Variants in CTDP1 observed in about 807,000 individuals in gnomAD.
The protein encoded by CTDP1 is CTD phosphatase 1, also known as RNA polymerase II subunit A C-terminal domain phosphatase.
Under a neutral mutation model 91.8 loss-of-function variants are expected in CTDP1, and 47 were observed. The observed-to-expected ratio is 0.51, with a 90% CI of 0.41 to 0.65. CTDP1 has a LOEUF of 0.65. Among genes scored for constraint, CTDP1 ranks in the 30% least tolerant of loss-of-function variants. CTDP1 has a pLI of 0.00. For missense variants in CTDP1, 1,272 were observed against 1,373.7 expected, an observed-to-expected ratio of 0.93 and a Z score of 1.17; for synonymous variants, 656 against 598.5, an observed-to-expected ratio of 1.10 and a Z score of -1.40.
Position 79,696,037 on chromosome 18 carries a change from G to C in CTDP1, c.459G>C (p.Val153=). The C allele has an allele frequency of 6.2e-7, 1 of 1,612,418 alleles. No homozygotes were observed. Among genetic ancestry groups the C allele is most frequent in the Non-Finnish European group, 8.5e-7 (1 of 1,180,030 alleles). Residue 153 remains valine, a synonymous_variant, in exon 3 of 13, where the codon GTG becomes GTC. Transcript: ENST00000613122. ...TGTCCACGGCGACCGTGTCCATGGTGCACAGCGTGCCGGAGTTGATGGTGA... is the reference window on the plus strand; with the variant it reads ...TGTCCACGGCGACCGTGTCCATGGTCCACAGCGTGCCGGAGTTGATGGTGA... ...VPLSTATVSM[V]HSVPELMVSS...
intron 11 of CTDP1, among the ~76,000 whole-genome samples, chr18:79,733,540 C>G (rs948155027): frequency 2.0e-5 from 3 of 151,300 alleles, no homozygotes; most frequent in Non-Finnish European, 4.4e-5. Context: ...TCGTTCCTGC[C>G]TGTTCTGCTG....
At chr18:79,703,105 T>C (rs1005429407) in intron 4 of CTDP1, 5 of 152,256 alleles carry the variant, frequency 3.3e-5, no homozygotes, top group African/African-American at 1.2e-4. Context: ...GCTGGACTTT[T>C]TACTGTTGAG....
chr18:79,717,399 G>A, intron 8 of CTDP1, 136 bp from the exon 9 acceptor site: 1 of 1,283,984 alleles, frequency 7.8e-7, no homozygotes, highest in South Asian at 1.3e-5. Flanking sequence ...GAAGGCCCTG[G>A]TGGGATGCAG....
Position 79,715,222 on chromosome 18 carries a change from G to A in CTDP1, c.1762G>A (p.Asp588Asn), listed in dbSNP as rs777159142. 14 of 1,610,744 alleles carry A rather than the reference G, an allele frequency of 8.7e-6. No individual in the cohort carries two copies. Among genetic ancestry groups the A allele is most frequent in the Non-Finnish European group, 1.1e-5 (13 of 1,178,722 alleles). The change falls in exon 8 of 13, where the codon GAC (aspartate) becomes AAC (asparagine). Residue 588 changes from aspartate (D) to asparagine (N), a missense_variant. Coordinates refer to ENST00000613122, the MANE Select transcript of CTDP1 (RefSeq NM_004715.5). ...GGAGGAGGAGGACACGGATGAGGAT[G>A]ACCACCTCATCTACCTGGAGGAGAT... ...EEEEEDTDEDDHLIYLEEILV... is the reference protein window; with the variant it reads ...EEEEEDTDEDNHLIYLEEILV...
intron 10 of CTDP1, among the ~76,000 whole-genome samples, chr18:79,723,227 A>ACAAT (rs1413595257): frequency 6.6e-6 from 1 of 151,340 alleles, no homozygotes; most frequent in Non-Finnish European, 1.5e-5. Context: ...CTCATCTGTC[A>ACAAT]CGGGCATTGG....
At chr18:79,754,667 T>G (rs1048130597), downstream of CTDP1, 1 of 152,140 alleles carries the variant, frequency 6.6e-6, no homozygotes, top group Non-Finnish European at 1.5e-5. Context: ...GATCTCAGGG[T>G]TTCGCCTCTG....
intron 10 of CTDP1, among the ~76,000 whole-genome samples, chr18:79,719,406 G>T (rs1381232572): frequency 1.3e-5 from 2 of 152,052 alleles, no homozygotes; most frequent in Non-Finnish European, 2.9e-5. Context: ...CCTAGGGGGT[G>T]GGGGGTTTGG....
intron 5 of CTDP1, among the ~76,000 whole-genome samples, chr18:79,706,220 C>T (rs1351116690): frequency 3.3e-5 from 5 of 152,222 alleles, no homozygotes; most frequent in African/African-American, 4.8e-5. Flanking sequence ...GGTCGGACGC[C>T]GGCCTCCAGA....
At chr18:79,747,625 A>G (rs1441642174) in intron 12 of CTDP1, among the ~76,000 whole-genome samples, 4 of 152,162 alleles carry the variant, frequency 2.6e-5, no homozygotes, top group Non-Finnish European at 4.4e-5. Flanking sequence ...GGCAGCCCCA[A>G]CGCCGCTCTC....
chr18:79,679,997 C>T lies in CTDP1; in HGVS notation c.50C>T (p.Ala17Val). 3.0e-6 allele frequency: 4 copies of T among 1,328,726 alleles called. No homozygotes were observed. Among genetic ancestry groups the T allele is most frequent in the Middle Eastern group, 2.9e-4 (1 of 3,424 alleles). The allele number at this position is 1,328,726 out of a possible 1,614,324, so 82.3% of individuals were successfully genotyped here. ...GRVPAEGAPT[A>V]AVAEVRCPGP... ...GTTCCTGCCGAGGGCGCCCCGACGG[C>T]GGCTGTGGCCGAGGTGCGCTGCCCG... is the stretch of plus-strand genomic sequence containing the variant. The change falls in exon 1 of 13, where the codon GCG becomes GTG. Residue 17 changes from alanine to valine, a missense_variant. Transcript: ENST00000613122.
intron 10 of CTDP1, among the ~76,000 whole-genome samples, chr18:79,726,219 T>C (rs1043830886): frequency 6.6e-6 from 1 of 152,252 alleles, no homozygotes; most frequent in Non-Finnish European, 1.5e-5. Context: ...GGGTGACTTC[T>C]GTTAGATTTT....
chr18:79,753,836 C>G lies in CTDP1; in HGVS notation c.*46C>G. The G allele has an allele frequency of 6.2e-7, 1 of 1,600,114 alleles. No individual in the cohort carries two copies. Among genetic ancestry groups the G allele is most frequent in the Non-Finnish European group, 8.5e-7 (1 of 1,174,414 alleles). Reference sequence around the variant, plus strand: ...CTGAAGCCTGACCGACCTCCAGCAGCACTCGGACGTCCCCGGACCAGCCCT... The same window carrying G: ...CTGAAGCCTGACCGACCTCCAGCAGGACTCGGACGTCCCCGGACCAGCCCT... On this transcript the variant is annotated 3_prime_UTR_variant, in exon 13 of 13. Transcript: ENST00000613122.
chr18:79,680,710 G>C (rs112639986), intron 1 of CTDP1: 2,872 of 153,998 alleles, frequency 0.019, 99 homozygotes, highest in African/African-American at 0.065. Flanking sequence ...TGTAAAACCT[G>C]GTGCAGTTCT....
chr18:79,750,312 A>G (rs1010804139), intron 12 of CTDP1, among the ~76,000 whole-genome samples: 1 of 151,786 alleles, frequency 6.6e-6, no homozygotes, highest in Non-Finnish European at 1.5e-5. Flanking sequence ...CAGCCTCCCA[A>G]ATAGCTGGGA....
At chr18:79,746,868 G>A (rs1262912220) in intron 12 of CTDP1, among the ~76,000 whole-genome samples, 1 of 152,150 alleles carries the variant, frequency 6.6e-6, no homozygotes, top group South Asian at 2.1e-4. Context: ...GGCCTCCAGC[G>A]ATCCTCCCGC....
At chr18:79,718,237 C>T (rs61033772) in intron 10 of CTDP1, among the ~76,000 whole-genome samples, 150 of 152,306 alleles carry the variant, frequency 9.8e-4, no homozygotes, top group African/African-American at 3.4e-3. Flanking sequence ...AACAAAACCC[C>T]GACCATCAGC....
intron 11 of CTDP1, among the ~76,000 whole-genome samples, chr18:79,731,257 G>A (rs925213035): frequency 6.6e-6 from 1 of 152,214 alleles, no homozygotes; most frequent in Non-Finnish European, 1.5e-5. Flanking sequence ...TGAGTGAGGG[G>A]TGTCGAGATC....
chr18:79,706,247 G>A (rs1404434910), intron 5 of CTDP1, among the ~76,000 whole-genome samples: 5 of 152,216 alleles, frequency 3.3e-5, no homozygotes, highest in African/African-American at 7.2e-5. Context: ...AGGAAGGGAC[G>A]TGTGTTCCTG....
chr18:79,710,298 C>T (rs1388569057), intron 5 of CTDP1, 48 bp from the exon 6 acceptor site: 6 of 1,474,180 alleles, frequency 4.1e-6, no homozygotes, highest in African/African-American at 1.4e-5. Flanking sequence ...GCCGTGTGAC[C>T]GAAACGTGTC....
Sources: allele counts gnomAD v4.1 joint callset (sites outside exome capture counted in the v4.1 genomes callset), GRCh38; gene constraint gnomAD v4.1.1; transcripts MANE v1.5; gene names NCBI Gene and HGNC (gene_info 2026-07-23, HGNC 2026-07-21).